SPATS2L: variants seen among roughly 807,000 people sequenced by gnomAD.
SPATS2L encodes the protein SPATS2-like protein.
A neutral mutation model predicts 59.6 loss-of-function variants in SPATS2L; 30 were observed. The observed-to-expected ratio is 0.50, with a 90% CI of 0.38 to 0.68. The LOEUF (loss-of-function observed/expected upper bound fraction) is 0.68, where lower values mean the gene tolerates loss of function less well. Ranked by LOEUF, SPATS2L falls within the 30% of genes least tolerant of loss-of-function variation. The pLI is 0.00. For synonymous variants in SPATS2L, 252 were observed against 263.5 expected (o/e 0.96, Z 0.42); for missense variants, 615 against 700.0 (o/e 0.88, Z 1.37).
intron 2 of SPATS2L, among the ~76,000 whole-genome samples, chr2:200,379,692 G>C (rs937618392): frequency 7.2e-5 from 11 of 152,188 alleles, no homozygotes; most frequent in African/African-American, 2.4e-4. Context: ...CGGGTGGTGG[G>C]GGGGATGGGG....
intron 2 of SPATS2L, among the ~76,000 whole-genome samples, chr2:200,330,501 A>G (rs1248040551): frequency 1.3e-5 from 2 of 152,224 alleles, no homozygotes; most frequent in African/African-American, 4.8e-5. Context: ...AAGAGAATTA[A>G]TATAGAAACA....
In SPATS2L at chr2:200,472,968, A is replaced by T. The variant is rs2087175011; in HGVS notation, c.1197A>T (p.Glu399Asp). The T allele has an allele frequency of 1.9e-6, 3 of 1,613,892 alleles. No homozygotes were observed. In the South Asian group the frequency reaches 3.3e-5, roughly 18 times the overall value. ...RKSSTHNKPS[E>D]GKAANPKMVS... ...CATCCACTCACAATAAGCCCTCTGA[A>T]GGCAAAGCGGCAAACCCCAAAATGG... Residue 399 changes from glutamate (E) to aspartate (D), a missense_variant, in exon 12 of 13, where the codon GAA (glutamate) becomes GAT (aspartate). Coordinates refer to ENST00000409140, the MANE Select transcript of SPATS2L (RefSeq NM_001100423.2).
chr2:200,404,804 C>T (rs908728857), intron 3 of SPATS2L, among the ~76,000 whole-genome samples: 2 of 152,130 alleles, frequency 1.3e-5, no homozygotes, highest in African/African-American at 2.4e-5. Flanking sequence ...CTCTTCCTTG[C>T]ATTTTCTAGC....
At chr2:200,378,718 T>G (rs1316652619) in intron 2 of SPATS2L, among the ~76,000 whole-genome samples, 1 of 152,190 alleles carries the variant, frequency 6.6e-6, no homozygotes, top group Non-Finnish European at 1.5e-5. Flanking sequence ...TGTGAAGAGA[T>G]GATGGGTTCC....
At chr2:200,455,280 A>G (rs2106169240) in intron 8 of SPATS2L, among the ~76,000 whole-genome samples, 2 of 152,290 alleles carry the variant, frequency 1.3e-5, no homozygotes, top group South Asian at 4.2e-4. Context: ...TTAAAAACTT[A>G]GTCAGAGCTC....
intron 4 of SPATS2L, 80 bp downstream of exon 4, chr2:200,412,499 T>A: frequency 1.4e-6 from 1 of 731,532 alleles, no homozygotes. Flanking sequence ...TTAAATGAAC[T>A]GAATATCAAT....
At chr2:200,415,560 A>G (rs1476161603) in intron 4 of SPATS2L, among the ~76,000 whole-genome samples, 2 of 152,112 alleles carry the variant, frequency 1.3e-5, no homozygotes, top group Admixed American at 6.5e-5. Flanking sequence ...TATTGAAACC[A>G]CCTTCAGCAC....
chr2:200,306,979 C>G (rs868616436), intron 1 of SPATS2L, 57 bp downstream of exon 1: 79 of 982,550 alleles, frequency 8.0e-5, no homozygotes, highest in Non-Finnish European at 9.5e-5. Context: ...CGCGGGCGGA[C>G]GCGGAGGGGC....
intron 3 of SPATS2L, among the ~76,000 whole-genome samples, chr2:200,406,948 C>G (rs573742012): frequency 5.3e-5 from 8 of 152,310 alleles, no homozygotes; most frequent in African/African-American, 1.9e-4. Context: ...CTTGGGTCCA[C>G]TGACCCCTTA....
intron 11 of SPATS2L, among the ~76,000 whole-genome samples, chr2:200,471,274 C>T (rs1156441765): frequency 6.6e-6 from 1 of 152,210 alleles, no homozygotes; most frequent in Non-Finnish European, 1.5e-5. Flanking sequence ...TTGTTCCCCC[C>T]TGTACTCTTC....
intron 2 of SPATS2L, among the ~76,000 whole-genome samples, chr2:200,340,475 C>T (rs565875429): frequency 1.5e-4 from 23 of 152,236 alleles, no homozygotes; most frequent in Admixed American, 6.5e-4. Flanking sequence ...GCCGATTTTC[C>T]ACTGCCTTCT....
At chr2:200,383,940 AAGT>A in intron 2 of SPATS2L, 1 of 1,002,088 alleles carries the variant, frequency 1.0e-6, no homozygotes, top group Non-Finnish European at 1.2e-6. Context: ...AGAGAAACGA[AAGT>A]GAAACTTTAT....
intron 8 of SPATS2L, among the ~76,000 whole-genome samples, chr2:200,445,255 G>A (rs1177669510): frequency 6.6e-6 from 1 of 152,222 alleles, no homozygotes; most frequent in East Asian, 1.9e-4. Flanking sequence ...CGAGGCTGTG[G>A]TGAGCCGAGG....
chr2:200,467,746 T>C (rs994508720), intron 10 of SPATS2L, among the ~76,000 whole-genome samples: 5 of 152,168 alleles, frequency 3.3e-5, no homozygotes, highest in Non-Finnish European at 7.3e-5. Flanking sequence ...TATAAACACA[T>C]CCACAGGTAT....
chr2:200,385,972 G>A (rs1316305665), intron 2 of SPATS2L, among the ~76,000 whole-genome samples: 1 of 152,168 alleles, frequency 6.6e-6, no homozygotes, highest in Admixed American at 6.5e-5. Flanking sequence ...GACCACAGGC[G>A]TGAGCCACCG....
intron 3 of SPATS2L, among the ~76,000 whole-genome samples, chr2:200,394,114 ACCT>A (rs2082255981): frequency 6.6e-6 from 1 of 152,162 alleles, no homozygotes; most frequent in African/African-American, 2.4e-5. Flanking sequence ...AAATATCTCT[ACCT>A]TGTTGGATTA....
At chr2:200,306,665 G>A (rs1346180552), upstream of SPATS2L, 5 of 987,006 alleles carry the variant, frequency 5.1e-6, no homozygotes, top group Non-Finnish European at 6.0e-6. Context: ...AGGGGCGGGA[G>A]TGTCCCTGCG....
chr2:200,362,647 G>A (rs762910201), intron 2 of SPATS2L, among the ~76,000 whole-genome samples: 1 of 152,150 alleles, frequency 6.6e-6, no homozygotes, highest in Non-Finnish European at 1.5e-5. Context: ...CCTTTAGATG[G>A]GCGATTGTGC....
chr2:200,317,071 G>A (rs771608815), intron 1 of SPATS2L, among the ~76,000 whole-genome samples: 21 of 152,088 alleles, frequency 1.4e-4, no homozygotes, highest in Non-Finnish European at 2.2e-4. Flanking sequence ...AAAGGTGGCC[G>A]CCTTTATGTT....
Sources: gnomAD v4.1 joint callset for allele counts (sites outside exome capture counted in the v4.1 genomes callset) on GRCh38, gnomAD v4.1.1 for gene constraint, MANE v1.5 for transcripts, NCBI Gene and HGNC (gene_info 2026-07-23, HGNC 2026-07-21) for gene names.